The following VAV1 variants were observed in gnomAD, a reference collection of about 807,000 sequenced individuals.
The protein encoded by VAV1 is vav guanine nucleotide exchange factor 1.
Under a neutral mutation model 128.1 loss-of-function variants are expected in VAV1, and 33 were observed. The observed-to-expected ratio is 0.26, with a 90% CI of 0.20 to 0.34. The LOEUF is 0.34. Ranked by LOEUF, VAV1 falls within the 10% of genes least tolerant of loss-of-function variation. The pLI is 1.00. For missense variants in VAV1, 715 were observed against 1,093.7 expected, an observed-to-expected ratio of 0.65 and a Z score of 4.88; for synonymous variants, 394 against 409.8, an observed-to-expected ratio of 0.96 and a Z score of 0.47.
At chr19:6,837,381 C>T (rs1157822748) in intron 21 of VAV1, among the ~76,000 whole-genome samples, 2 of 152,314 alleles carry the variant, frequency 1.3e-5, no homozygotes, top group South Asian at 2.1e-4. Context: ...TCTGTGGGAG[C>T]ACTGTGGCCT....
At chr19:6,783,361 T>C (rs1156390756) in intron 1 of VAV1, among the ~76,000 whole-genome samples, 2 of 151,984 alleles carry the variant, frequency 1.3e-5, no homozygotes, top group Admixed American at 6.6e-5. Flanking sequence ...GGCTCCATCA[T>C]CTCATGGTCT....
intron 23 of VAV1, among the ~76,000 whole-genome samples, chr19:6,850,221 C>G (rs1026930834): frequency 1.9e-5 from 1 of 52,926 alleles, no homozygotes; most frequent in Admixed American, 1.9e-4. Context: ...TTGTTTGTTT[C>G]TTTGTTTTTT....
chr19:6,829,817 A>C lies in VAV1; in HGVS notation c.1297A>C (p.Ile433Leu), dbSNP rs768075621. 6.2e-7 allele frequency: 1 copy of C among 1,614,158 alleles called. No homozygotes were observed. Among genetic ancestry groups the C allele is most frequent in the South Asian group, 1.1e-5 (1 of 91,084 alleles). Residue 433 changes from isoleucine (I) to leucine (L), a missense_variant, in exon 14 of 27, where the codon ATC becomes CTC. Transcript: ENST00000602142. The part of the protein sequence containing the change: ...YAFLLDKALL[I>L]CKRRGDSYDL... ...CTTCCTGCTCGACAAAGCTCTACTC[A>C]TCTGTAAGCGCAGGGGAGACTCCTA...
At chr19:6,781,970 G>C (rs536522074) in intron 1 of VAV1, among the ~76,000 whole-genome samples, 5 of 152,126 alleles carry the variant, frequency 3.3e-5, no homozygotes, top group African/African-American at 1.2e-4. Flanking sequence ...TGTGGTCTTG[G>C]AGAAAAAAAT....
chr19:6,833,943 G>T lies in VAV1; in HGVS notation c.1767G>T (p.Arg589Ser), dbSNP rs762621714. ...KLHRRAQDKK[R>S]NELGLPKMEV... is the part of the protein sequence containing the mutation. ...ATCGCAGGGCTCAGGACAAAAAGAG[G>T]AATGAGCTGGGTGAGTTGGCAGGGG... Residue 589 changes from arginine (R) to serine (S), a missense_variant, in exon 19 of 27, where the codon AGG becomes AGT. Arg to Ser is a moderately radical substitution (Grantham distance 110). Transcript: ENST00000602142. 5.0e-6 allele frequency: 8 copies of T among 1,613,922 alleles called. No homozygotes were observed. Among genetic ancestry groups the T allele is most frequent in the Non-Finnish European group, 6.8e-6 (8 of 1,180,024 alleles).
chr19:6,836,109 G>C (rs2144799250), intron 19 of VAV1: 1 of 217,134 alleles, frequency 4.6e-6, no homozygotes, highest in African/African-American at 2.3e-5. Flanking sequence ...CCTGACCTCA[G>C]GTGATCTTCC....
At chr19:6,844,935 G>C (rs1221438133) in intron 22 of VAV1, among the ~76,000 whole-genome samples, 2 of 152,104 alleles carry the variant, frequency 1.3e-5, no homozygotes, top group African/African-American at 2.4e-5. Context: ...CAATAGAGCT[G>C]GGAGTAAGAG....
At chr19:6,774,427 CTTTTTTTTTT>C (rs1002823385) in intron 1 of VAV1, among the ~76,000 whole-genome samples, 2 of 91,584 alleles carry the variant, frequency 2.2e-5, no homozygotes, top group Non-Finnish European at 2.0e-5. Context: ...CGCGCCCAGC[CTTTTTTTTTT>C]TTTTTTTTTT....
intron 1 of VAV1, among the ~76,000 whole-genome samples, chr19:6,776,512 C>T (rs1970644382): frequency 7.0e-6 from 1 of 141,954 alleles, no homozygotes; most frequent in Non-Finnish European, 1.5e-5. Context: ...ATCTATCCAT[C>T]CATCCTCTCA....
chr19:6,809,659 G>A (rs1971474229), intron 1 of VAV1, among the ~76,000 whole-genome samples: 1 of 152,124 alleles, frequency 6.6e-6, no homozygotes, highest in Admixed American at 6.6e-5. Flanking sequence ...AGAGGAGATT[G>A]ACATGGTTAG....
Position 6,826,753 on chromosome 19 carries a change from C to A in VAV1, c.927+42C>A. 1 of 1,475,898 alleles carries A rather than the reference C, an allele frequency of 6.8e-7. No homozygotes were observed. The highest frequency in any genetic ancestry group is 1.4e-5 in the African/African-American group (1 of 71,892). 91.4% of individuals were successfully genotyped at this position (1,475,898 alleles called of 1,614,324 possible). ...TTCTCGGGGGCCTCTCCCGCTCCTCCCCAGGCCCTGGGGGCAGCAGGGAGG... is the reference window on the plus strand; with the variant it reads ...TTCTCGGGGGCCTCTCCCGCTCCTCACCAGGCCCTGGGGGCAGCAGGGAGG... On this transcript the variant is annotated intron_variant, in intron 9 of 26. Transcript: ENST00000602142. The surrounding 1 kb of genome is among the most constrained non-coding windows in gnomAD (Gnocchi z 4.1).
intron 15 of VAV1, among the ~76,000 whole-genome samples, chr19:6,832,960 C>T (rs899792376): frequency 4.6e-5 from 7 of 152,162 alleles, no homozygotes; most frequent in African/African-American, 7.2e-5. Context: ...CCCAATTCCC[C>T]GCTCTCGCAG....
chr19:6,791,421 G>C (rs759934205), intron 1 of VAV1, among the ~76,000 whole-genome samples: 3 of 151,588 alleles, frequency 2.0e-5, no homozygotes, highest in Admixed American at 6.6e-5. Context: ...CGAGGTCCTT[G>C]AGCTATCTCA....
intron 1 of VAV1, among the ~76,000 whole-genome samples, chr19:6,780,036 G>A (rs1333846883): frequency 6.7e-6 from 1 of 148,244 alleles, no homozygotes; most frequent in Non-Finnish European, 1.5e-5. Context: ...GCATGAACCT[G>A]GGAGGCGGAG....
chr19:6,828,606 C>A lies in VAV1; in HGVS notation c.1093-16C>A. ...CGGCTGTTGGGGGGCCAGGTTCACC[C>A]CTGCCCCCTCCCCAGGACCTGGCTC... On this transcript the variant is annotated splice_polypyrimidine_tract_variant and intron_variant, in intron 11 of 26. Transcript: ENST00000602142. The surrounding 1 kb of genome is among the most constrained non-coding windows in gnomAD (Gnocchi z 4.5). The A allele has an allele frequency of 6.2e-7, 1 of 1,613,790 alleles. No homozygotes were observed. The highest frequency in any genetic ancestry group is 8.5e-7 in the Non-Finnish European group (1 of 1,179,862).
Position 6,833,612 on chromosome 19 carries a change from C to A in VAV1, c.1695C>A (p.Gly565=). 1 of 1,613,794 alleles carries A rather than the reference C, an allele frequency of 6.2e-7. No individual in the cohort carries two copies. Among genetic ancestry groups the A allele is most frequent in the Non-Finnish European group, 8.5e-7 (1 of 1,179,798 alleles). ...KECLGRVPPC[G]RHGQDFPGTM... is the part of the protein sequence containing the mutation. The stretch of plus-strand genomic sequence containing the variant: ...GTCTGGGGAGGGTCCCTCCATGTGG[C>A]CGACATGGGCAAGGTACGAGTGGGA... The change falls in exon 17 of 27, where the codon GGC becomes GGA. Residue 565 remains glycine, a synonymous_variant. Coordinates refer to ENST00000602142, the MANE Select transcript of VAV1 (RefSeq NM_005428.4).
chr19:6,831,476 TA>T (rs1972053353), intron 14 of VAV1, among the ~76,000 whole-genome samples: 2 of 152,104 alleles, frequency 1.3e-5, no homozygotes, highest in Admixed American at 1.3e-4. Context: ...CACGCCCAGC[TA>T]ATTTTTTTGT....
At chr19:6,833,416 T>C (rs1972137673) in intron 16 of VAV1, 112 bp from the exon 17 acceptor site, 1 of 1,381,184 alleles carries the variant, frequency 7.2e-7, no homozygotes, top group African/African-American at 1.5e-5. Context: ...TGCTTCTCCG[T>C]CACTCTCCTG....
rs185191779 is a variant in VAV1 at position 6,794,303 on chromosome 19, T to C, written c.204+21292T>C. Among the ~76,000 whole-genome samples the C allele has an allele frequency of 5.5e-4, 83 of 152,232 alleles. 1 individual carries two copies. The Middle Eastern group carries it at 0.014, about 25-fold the overall frequency. ...GGTCTGAGGGTTGGGCCTTAGGTTG[T>C]AACAGCATAGAAACATTGGGGAGAG... On this transcript the variant is annotated intron_variant, in intron 1 of 26. Transcript: ENST00000602142.
Sources: gnomAD v4.1 joint callset for allele counts (sites outside exome capture counted in the v4.1 genomes callset) on GRCh38, gnomAD v4.1.1 for gene constraint, Gnocchi (gnomAD v3.1) non-coding constraint, MANE v1.5 for transcripts, NCBI Gene and HGNC (gene_info 2026-07-23, HGNC 2026-07-21) for gene names.